YWHAE: variants seen among roughly 807,000 people sequenced by gnomAD.
The protein encoded by YWHAE is 14-3-3 protein epsilon.
YWHAE carries 4 observed loss-of-function variants against 30.1 expected under a neutral mutation model. The ratio of observed to expected loss-of-function variants is 0.13; its 90% CI spans 0.07 to 0.30. The LOEUF is 0.30. Among genes scored for constraint, YWHAE ranks in the 10% least tolerant of loss-of-function variants. YWHAE has a pLI of 1.00. For synonymous variants in YWHAE, 118 were observed against 111.8 expected, an observed-to-expected ratio of 1.06 and a Z score of -0.35; for missense variants, 121 against 315.9, an observed-to-expected ratio of 0.38 and a Z score of 4.68.
chr17:1,362,059 AAATT>A, intron 2 of YWHAE, 51 bp from the exon 3 acceptor site: 1 of 1,111,390 alleles, frequency 9.0e-7, no homozygotes, highest in Non-Finnish European at 1.3e-6. Flanking sequence ...GAAATTCTAC[AAATT>A]ATTACATATT....
intron 1 of YWHAE, among the ~76,000 whole-genome samples, chr17:1,384,734 T>C (rs930563562): frequency 1.3e-5 from 2 of 152,042 alleles, no homozygotes; most frequent in Non-Finnish European, 1.5e-5. Context: ...GCCCAGAGTT[T>C]TTCTCTTGTT....
At chr17:1,397,514 G>C (rs2073492641) in intron 1 of YWHAE, among the ~76,000 whole-genome samples, 1 of 152,122 alleles carries the variant, frequency 6.6e-6, no homozygotes, top group African/African-American at 2.4e-5. Context: ...AAGAAGTTTA[G>C]GCACTAATTC....
rs1262092442 is a variant in YWHAE, at chr17:1,345,492, C to A, written c.723G>T (p.Glu241Asp). 4 of 1,613,608 alleles carry A rather than the reference C, an allele frequency of 2.5e-6. No individual in the cohort carries two copies. Among genetic ancestry groups the A allele is most frequent in the Admixed American group, 1.7e-5 (1 of 59,952 alleles). Residue 241 changes from glutamate to aspartate, a missense_variant, in exon 6 of 6, where the codon GAG becomes GAT. Glu to Asp is a conservative substitution (Grantham distance 45). Transcript: ENST00000264335. ...WTSDMQGDGE[E>D]QNKEALQDVE... ...CGTCCTGCAGCGCTTCTTTATTCTG[C>A]TCTTCACCTGTTAAAAAAGAAAAAA...
intron 2 of YWHAE, among the ~76,000 whole-genome samples, chr17:1,362,438 G>A (rs1285163039): frequency 6.6e-6 from 1 of 152,120 alleles, no homozygotes. Context: ...AGCAGAGCTA[G>A]GATTTGAACC....
At chr17:1,382,669 C>T (rs1460283001) in intron 1 of YWHAE, among the ~76,000 whole-genome samples, 2 of 151,970 alleles carry the variant, frequency 1.3e-5, no homozygotes, top group Non-Finnish European at 2.9e-5. Context: ...CAGTAGTTTT[C>T]ATTATTTACT....
rs563950328 is a variant in YWHAE at position 1,391,832 on chromosome 17, C to A, written c.64+8215G>T. ...AAAAAAAAAGTTTTAATTAGCTGGT[C>A]ATGGCGGTACCAGCTACCTGGTGGG... On this transcript the variant is annotated intron_variant, in intron 1 of 5. Transcript: ENST00000264335. Among the ~76,000 whole-genome samples the A allele has an allele frequency of 2.6e-5, 4 of 152,282 alleles. No homozygotes were observed. In the South Asian group the frequency reaches 6.2e-4, roughly 24 times the overall value.
At chr17:1,360,969 G>T in intron 4 of YWHAE, 123 bp downstream of exon 4, 1 of 847,008 alleles carries the variant, frequency 1.2e-6, no homozygotes, top group Non-Finnish European at 1.9e-6. Flanking sequence ...GTTTCAGTAA[G>T]AGCCAAAAGA....
intron 1 of YWHAE, among the ~76,000 whole-genome samples, chr17:1,396,588 GTTTAT>G (rs1483628960): frequency 2.0e-5 from 3 of 152,148 alleles, no homozygotes. Context: ...CCCAAATGTA[GTTTAT>G]GTTACCCCTC....
chr17:1,350,323 G>C (rs957871229), intron 5 of YWHAE, among the ~76,000 whole-genome samples: 4 of 152,182 alleles, frequency 2.6e-5, no homozygotes, highest in African/African-American at 9.6e-5. Flanking sequence ...ATTATCTTTA[G>C]TTCTGTACAT....
intron 4 of YWHAE, among the ~76,000 whole-genome samples, chr17:1,357,057 C>T (rs1401091069): frequency 6.6e-6 from 1 of 151,482 alleles, no homozygotes; most frequent in African/African-American, 2.4e-5. Context: ...ATCACGAGGT[C>T]AGGAGATCGA....
chr17:1,377,461 C>G (rs909783907), intron 1 of YWHAE, among the ~76,000 whole-genome samples: 47 of 152,138 alleles, frequency 3.1e-4, no homozygotes, highest in African/African-American at 1.1e-3. Flanking sequence ...AAGGTTCTGT[C>G]AGAACCGGAA....
chr17:1,394,690 G>C (rs1373755008), intron 1 of YWHAE, among the ~76,000 whole-genome samples: 7 of 151,996 alleles, frequency 4.6e-5, no homozygotes, highest in Admixed American at 1.3e-4. Flanking sequence ...ATTTAGGCCA[G>C]GTACAGTGGC....
intron 1 of YWHAE, among the ~76,000 whole-genome samples, chr17:1,384,280 G>T (rs2073264085): frequency 6.6e-6 from 1 of 152,054 alleles, no homozygotes; most frequent in Admixed American, 6.6e-5. Context: ...GGACGCAGAG[G>T]TGGGAGGATT....
At chr17:1,359,811 GTTGTGTGT>G (rs1188946043) in intron 4 of YWHAE, among the ~76,000 whole-genome samples, 2 of 96,412 alleles carry the variant, frequency 2.1e-5, no homozygotes, top group African/African-American at 9.2e-5. Context: ...CCACTAAATT[GTTGTGTGT>G]GTGTGTGTGT....
chr17:1,382,294 C>T (rs35959689), intron 1 of YWHAE, among the ~76,000 whole-genome samples: 5,297 of 149,542 alleles, frequency 0.035, 110 homozygotes, highest in South Asian at 0.051. Context: ...ATGATCTGCC[C>T]GCCTCGGCCT....
chr17:1,366,790 A>T lies in YWHAE; in HGVS notation c.65-1732T>A, dbSNP rs57031822. Among the ~76,000 whole-genome samples, 978 of 152,124 alleles carry T rather than the reference A, an allele frequency of 6.4e-3. 13 individuals are homozygous for T. Among genetic ancestry groups the T allele is most frequent in the African/African-American group, 0.015 (638 of 41,490 alleles). On this transcript the variant is annotated intron_variant, in intron 1 of 5. Transcript: ENST00000264335. ...AAACCCGTCTCTACTAAAAATACAA[A>T]AATTAGCTGGGCATGGTGGTGCACG...
chr17:1,354,967 T>G (rs1449258647), intron 4 of YWHAE, among the ~76,000 whole-genome samples: 3 of 14,778 alleles, frequency 2.0e-4, no homozygotes, highest in Non-Finnish European at 3.3e-4. Flanking sequence ...CAGCCTAGTT[T>G]TTTTTTTTTT....
At chr17:1,365,662 T>C (rs929091499) in intron 1 of YWHAE, among the ~76,000 whole-genome samples, 10 of 152,042 alleles carry the variant, frequency 6.6e-5, no homozygotes, top group Non-Finnish European at 1.3e-4. Context: ...ACCGCAAGCA[T>C]AGGGAAACAC....
chr17:1,345,523 A>G (rs1433393856), intron 5 of YWHAE, 24 bp from the exon 6 acceptor site: 6 of 1,611,452 alleles, frequency 3.7e-6, no homozygotes, highest in Non-Finnish European at 5.1e-6. Context: ...AAAAAAGTCA[A>G]TTATTTCGTA....
Sources: allele counts gnomAD v4.1 joint callset (sites outside exome capture counted in the v4.1 genomes callset), GRCh38; gene constraint gnomAD v4.1.1; transcripts MANE v1.5; gene names NCBI Gene and HGNC (gene_info 2026-07-23, HGNC 2026-07-21).